RAB33B: variants seen among roughly 807,000 people sequenced by gnomAD.
RAB33B encodes the protein ras-related protein Rab-33B.
RAB33B carries 6 observed loss-of-function variants against 15.0 expected under a neutral mutation model. That is an observed-to-expected ratio of 0.40 (90% CI 0.22 to 0.79). The LOEUF is 0.79. Ranked by LOEUF, RAB33B falls within the 30% of genes least tolerant of loss-of-function variation. RAB33B has a pLI of 0.37. For missense variants in RAB33B, 257 were observed against 296.4 expected, an observed-to-expected ratio of 0.87 and a Z score of 0.98; for synonymous variants, 117 against 108.3, an observed-to-expected ratio of 1.08 and a Z score of -0.50.
At chr4:139,465,973 A>G (rs1166864864) in intron 1 of RAB33B, among the ~76,000 whole-genome samples, 1 of 150,220 alleles carries the variant, frequency 6.7e-6, no homozygotes, top group Non-Finnish European at 1.5e-5. Flanking sequence ...GGAACAAAGT[A>G]GAGACAAGGT....
the RAB33B span, among the ~76,000 whole-genome samples, chr4:139,443,080 C>T: frequency 2.6e-5 from 4 of 151,814 alleles, no homozygotes; most frequent in Admixed American, 1.3e-4. Context: ...GCAAGCTCTG[C>T]CTCCCGGGTT....
intron 1 of RAB33B, among the ~76,000 whole-genome samples, chr4:139,470,328 A>G (rs1055223609): frequency 3.3e-5 from 5 of 152,138 alleles, no homozygotes; most frequent in Admixed American, 1.3e-4. Context: ...ACTTGTAGCC[A>G]TTGCCACTCC....
chr4:139,441,815 T>C, the RAB33B span, among the ~76,000 whole-genome samples: 4 of 152,258 alleles, frequency 2.6e-5, no homozygotes, highest in Non-Finnish European at 4.4e-5. Context: ...AGACAGACTC[T>C]GCCAGTGTAA....
intron 1 of RAB33B, among the ~76,000 whole-genome samples, chr4:139,468,320 C>T (rs541608890): frequency 6.6e-6 from 1 of 152,284 alleles, no homozygotes; most frequent in Non-Finnish European, 1.5e-5. Flanking sequence ...CTCACAGGGT[C>T]CCTCCCACAA....
intron 1 of RAB33B, among the ~76,000 whole-genome samples, chr4:139,467,960 TG>T (rs1356048252): frequency 1.6e-4 from 16 of 98,954 alleles, no homozygotes; most frequent in African/African-American, 5.7e-4. Flanking sequence ...TCATTCTTTC[TG>T]TTTTTTTTTT....
At chr4:139,471,016 G>C (rs1019673077) in intron 1 of RAB33B, among the ~76,000 whole-genome samples, 1 of 152,066 alleles carries the variant, frequency 6.6e-6, no homozygotes, top group Non-Finnish European at 1.5e-5. Context: ...GGTTAGGGGA[G>C]GGGTGATGGC....
the RAB33B span, among the ~76,000 whole-genome samples, chr4:139,447,658 CT>C: frequency 0.011 from 907 of 85,694 alleles, 3 homozygotes; most frequent in African/African-American, 0.032. Context: ...CAGTCTACTA[CT>C]TTTTTTTTTT....
upstream of RAB33B, chr4:139,452,024 C>T (rs1749935566): frequency 6.6e-6 from 1 of 152,214 alleles, no homozygotes; most frequent in South Asian, 2.1e-4. Flanking sequence ...CACATGAGGA[C>T]ACTCTCAAAA....
the RAB33B span, among the ~76,000 whole-genome samples, chr4:139,443,235 G>A: frequency 9.2e-5 from 14 of 152,080 alleles, no homozygotes; most frequent in African/African-American, 3.1e-4. Context: ...CTTGTGATCC[G>A]CCTGCCTCGG....
the RAB33B span, among the ~76,000 whole-genome samples, chr4:139,447,263 A>C: frequency 3.9e-5 from 6 of 152,348 alleles, no homozygotes; most frequent in South Asian, 1.2e-3. Context: ...CCAGGTGACA[A>C]CACTTTGCAG....
chr4:139,470,411 A>G (rs1208622343), intron 1 of RAB33B, among the ~76,000 whole-genome samples: 3 of 152,220 alleles, frequency 2.0e-5, no homozygotes, highest in Non-Finnish European at 4.4e-5. Flanking sequence ...CCCCCTTGTC[A>G]TAAATGCTGC....
In RAB33B at chr4:139,454,232, T is replaced by A. The variant is rs974858262; in HGVS notation, c.37T>A (p.Phe13Ile). The A allele has an allele frequency of 2.5e-6, 4 of 1,613,834 alleles. No individual in the cohort carries two copies. Among genetic ancestry groups the A allele is most frequent in the Non-Finnish European group, 3.4e-6 (4 of 1,179,932 alleles). The change falls in exon 1 of 2, where the codon TTT becomes ATT. Residue 13 changes from phenylalanine to isoleucine, a missense_variant. Transcript: ENST00000305626. ...GATGGAGTCGTCGCTCGAGGCAAGC[T>A]TTTCGTCCAGCGGGGCAGTGTCAGG... ...EEMESSLEAS[F>I]SSSGAVSGAS...
chr4:139,457,061 T>G (rs908173494), intron 1 of RAB33B, among the ~76,000 whole-genome samples: 1 of 152,254 alleles, frequency 6.6e-6, no homozygotes, highest in Non-Finnish European at 1.5e-5. Flanking sequence ...AGACATTATT[T>G]CTTTGATAAA....
chr4:139,462,333 G>A (rs550739825), intron 1 of RAB33B, among the ~76,000 whole-genome samples: 215 of 152,190 alleles, frequency 1.4e-3, no homozygotes, highest in African/African-American at 5.0e-3. Context: ...GATTACAGGC[G>A]TGAGCCACCG....
chr4:139,464,170 A>T (rs1750228877), intron 1 of RAB33B, among the ~76,000 whole-genome samples: 1 of 152,094 alleles, frequency 6.6e-6, no homozygotes, highest in Non-Finnish European at 1.5e-5. Flanking sequence ...GGTCCCAGGT[A>T]CTCAGGAGGC....
intron 1 of RAB33B, among the ~76,000 whole-genome samples, chr4:139,456,096 A>T (rs372465944): frequency 1.0e-3 from 152 of 152,300 alleles, no homozygotes; most frequent in African/African-American, 3.3e-3. Context: ...TGAGGATCAG[A>T]TGAGGACATA....
chr4:139,465,046 A>G (rs1229959679), intron 1 of RAB33B, among the ~76,000 whole-genome samples: 5 of 152,142 alleles, frequency 3.3e-5, no homozygotes, highest in Admixed American at 2.0e-4. Flanking sequence ...CCTCTCCAGC[A>G]CCTGTTGTTT....
chr4:139,451,881 C>T (rs1437007063), upstream of RAB33B: 1 of 152,138 alleles, frequency 6.6e-6, no homozygotes, highest in Admixed American at 6.5e-5. Context: ...GTAGTGACTC[C>T]AAGGACAAAA....
chr4:139,468,899 A>G (rs1175976061), intron 1 of RAB33B, among the ~76,000 whole-genome samples: 2 of 152,194 alleles, frequency 1.3e-5, no homozygotes, highest in Non-Finnish European at 2.9e-5. Flanking sequence ...CCTGGCCTGT[A>G]AGGTTTCCAT....
Sources: gnomAD v4.1 joint callset for allele counts (sites outside exome capture counted in the v4.1 genomes callset) on GRCh38, gnomAD v4.1.1 for gene constraint, MANE v1.5 for transcripts, NCBI Gene and HGNC (gene_info 2026-07-23, HGNC 2026-07-21) for gene names.